INTS1: variants seen among roughly 807,000 people sequenced by gnomAD.
The protein encoded by INTS1 is integrator complex subunit 1.
A neutral mutation model predicts 241.6 loss-of-function variants in INTS1; 137 were observed. The ratio of observed to expected loss-of-function variants is 0.57; its 90% CI spans 0.49 to 0.65. INTS1 has a LOEUF of 0.65. Ranked by LOEUF, INTS1 falls within the 30% of genes least tolerant of loss-of-function variation. The pLI, the probability that INTS1 is intolerant of heterozygous loss-of-function variation, is 0.00. For synonymous variants in INTS1, 1,692 were observed against 1,337.8 expected, an observed-to-expected ratio of 1.26 and a Z score of -5.78; for missense variants, 3,073 against 3,032.2, an observed-to-expected ratio of 1.01 and a Z score of -0.32.
Position 1,474,270 on chromosome 7 carries a change from CAGGAA to C in INTS1, c.5722_5726del (p.Phe1908AlafsTer56), listed in dbSNP as rs747744061. On this transcript the variant is annotated frameshift_variant, in exon 41 of 48. Coordinates refer to ENST00000404767, the MANE Select transcript of INTS1 (RefSeq NM_001080453.3). LOFTEE classifies it high-confidence loss of function. ...GCAGCTCCAGCAGGCCCAGCACGTG[CAGGAA>C]GCAGCTCAGGTGGTTCTGCTGCCGG... 6.2e-7 allele frequency: 1 copy of C among 1,608,368 alleles called. No individual in the cohort carries two copies. Among genetic ancestry groups the C allele is most frequent in the Non-Finnish European group, 8.5e-7 (1 of 1,179,034 alleles).
In INTS1 at chr7:1,487,373, G is replaced by C; in HGVS notation, c.2593C>G (p.Leu865Val). The C allele has an allele frequency of 6.2e-7, 1 of 1,610,684 alleles. No homozygotes were observed. Among genetic ancestry groups the C allele is most frequent in the Non-Finnish European group, 8.5e-7 (1 of 1,178,808 alleles). ...SLNQSLRLGH[L>V]LCRSRNPDFL... ...TCAGGGTTTCGGCTGCGGCACAAGA[G>C]GTGCCCGAGGCGGAGGGACTGGTTG... is the stretch of plus-strand genomic sequence containing the variant. The change falls in exon 20 of 48, where the codon CTC becomes GTC. Residue 865 changes from leucine (L) to valine (V), a missense_variant. Leu to Val is a conservative substitution (Grantham distance 32, BLOSUM62 1). Coordinates refer to ENST00000404767, the MANE Select transcript of INTS1 (RefSeq NM_001080453.3).
At chr7:1,488,045 C>A in intron 18 of INTS1, 88 bp from the exon 19 acceptor site, 1 of 1,388,400 alleles carries the variant, frequency 7.2e-7, no homozygotes, top group Non-Finnish European at 1.0e-6. Context: ...GAGGGTAAAA[C>A]CCCTACGGCT....
At chr7:1,495,714 T>C (rs987193328) in intron 12 of INTS1, among the ~76,000 whole-genome samples, 161 bp from the exon 13 acceptor site, 4 of 152,036 alleles carry the variant, frequency 2.6e-5, no homozygotes, top group Non-Finnish European at 5.9e-5. Context: ...CTGGGAGGCA[T>C]GGAGTGACCC....
chr7:1,501,358 T>C (rs920284370), intron 3 of INTS1: 6 of 151,996 alleles, frequency 3.9e-5, no homozygotes, highest in Non-Finnish European at 5.9e-5. Flanking sequence ...GACAGAGGCA[T>C]TGTGATCTAC....
At chr7:1,494,304 A>C (rs1436745294) in intron 14 of INTS1, among the ~76,000 whole-genome samples, 1 of 152,226 alleles carries the variant, frequency 6.6e-6, no homozygotes, top group Non-Finnish European at 1.5e-5. Context: ...GCCGCAGTGA[A>C]GGTGAACAGA....
In INTS1 at chr7:1,497,521, G is replaced by A. The variant is rs555272449; in HGVS notation, c.1426-207C>T. 1.9e-4 allele frequency among the ~76,000 whole-genome samples: 29 copies of A among 152,166 alleles called. No homozygotes were observed. The highest frequency in any genetic ancestry group is 3.3e-4 in the Admixed American group (5 of 15,284). ...CATCTGATTCCCCTCTCTGAGAACCGGCAGGTGGGGAGTCGGTCCTCGTGA... is the reference window on the plus strand; with the variant it reads ...CATCTGATTCCCCTCTCTGAGAACCAGCAGGTGGGGAGTCGGTCCTCGTGA... On this transcript the variant is annotated intron_variant, in intron 10 of 47. Coordinates refer to ENST00000404767, the MANE Select transcript of INTS1 (RefSeq NM_001080453.3). This position sits in a 1 kb window ranked among gnomAD's most constrained non-coding sequence, Gnocchi z 5.3.
intron 4 of INTS1, 41 bp downstream of exon 4, chr7:1,500,129 C>G (rs1389772081): frequency 6.3e-7 from 1 of 1,580,654 alleles, no homozygotes; most frequent in Admixed American, 1.7e-5. Context: ...GAGCCAAGGG[C>G]CCCAGCGCTG....
chr7:1,500,126 G>C (rs751555037), intron 4 of INTS1, 44 bp downstream of exon 4: 32 of 1,580,706 alleles, frequency 2.0e-5, no homozygotes, highest in Non-Finnish European at 2.8e-5. Context: ...GGGGAGCCAA[G>C]GGCCCCAGCG....
rs758084477 is a variant in INTS1, at chr7:1,489,379, C to G, written c.2283G>C (p.Pro761=). 1.8e-6 allele frequency: 2 copies of G among 1,081,760 alleles called. No homozygotes were observed. The highest frequency in any genetic ancestry group is 1.1e-6 in the Non-Finnish European group (1 of 888,150). 67.0% of individuals were successfully genotyped at this position (1,081,760 alleles called of 1,614,324 possible). A position where few individuals can be genotyped will look rare whatever the true frequency, so the allele number is the denominator to read the frequency against. Residue 761 remains proline, a synonymous_variant, in exon 18 of 48, where the codon CCG becomes CCC. Transcript: ENST00000404767. ...CCATCTCCATGAGCATCTTCAGGGT[C>G]GGGTACTCCTCCCACGCAGCCAGGC... ...NIGLAAWEEY[P]TLKMLMEMVM...
intron 16 of INTS1, among the ~76,000 whole-genome samples, chr7:1,490,236 G>C (rs1782481313): frequency 6.6e-6 from 1 of 152,252 alleles, no homozygotes; most frequent in Admixed American, 6.5e-5. Context: ...CGAGGCTCAA[G>C]TGCAGTGCGG....
Position 1,471,234 on chromosome 7 carries a change from G to A in INTS1, c.6256-10C>T, listed in dbSNP as rs767202557. ...GCCGCTGCAGGTTGGTCTGACCGGG[G>A]GAAAGGTGGGAGGTGTGTGACCAAG... On this transcript the variant is annotated splice_polypyrimidine_tract_variant and intron_variant, in intron 45 of 47. Transcript: ENST00000404767. 6 of 1,567,838 alleles carry A rather than the reference G, an allele frequency of 3.8e-6. No homozygotes were observed. The South Asian group carries it at 7.0e-5, about 18-fold the overall frequency.
At position 1,492,035 on chromosome 7, in the gene INTS1, C is replaced by T. The variant is rs990944768; in HGVS notation, c.2165+975G>A. Among the ~76,000 whole-genome samples the T allele has an allele frequency of 3.3e-5, 5 of 152,126 alleles. No individual in the cohort carries two copies. In the East Asian group the frequency reaches 7.7e-4, roughly 23 times the overall value. ...ACTAGGAACCGTCACTCAGCGCTGG[C>T]GGGGACGCAAGCGGGAACTCAAGGT... On this transcript the variant is annotated intron_variant, in intron 16 of 47. Coordinates refer to ENST00000404767, the MANE Select transcript of INTS1 (RefSeq NM_001080453.3).
At chr7:1,472,970 G>C (rs112935261) in intron 43 of INTS1, 102 bp downstream of exon 43, 1 of 708,264 alleles carries the variant, frequency 1.4e-6, no homozygotes, top group Admixed American at 3.2e-5. Flanking sequence ...AGCCCCCATC[G>C]GGACGCCTCG....
At position 1,487,456 on chromosome 7, in the gene INTS1, G is replaced by A. The variant is rs1473744841; in HGVS notation, c.2517-7C>T. 6.2e-7 allele frequency: 1 copy of A among 1,609,962 alleles called. No homozygotes were observed. Among genetic ancestry groups the A allele is most frequent in the South Asian group, 1.1e-5 (1 of 90,630 alleles). On this transcript the variant is annotated splice_region_variant and splice_polypyrimidine_tract_variant and intron_variant, in intron 19 of 47. Coordinates refer to ENST00000404767, the MANE Select transcript of INTS1 (RefSeq NM_001080453.3). ...AGGCCTCCGGGGGGGCCCCCTGAGG[G>A]CCACAGGGGACACGGTGCGTCAGCA... is the stretch of plus-strand genomic sequence containing the variant.
rs1782848978 is a variant in INTS1 at position 1,496,268 on chromosome 7, C to G, written c.1603-4G>C. ...TGATGTGCACCACGAAGCGCTCCTG[C>G]AGGTGCAGCACGGGGTCTGTATCCA... On this transcript the variant is annotated splice_region_variant and splice_polypyrimidine_tract_variant and intron_variant, in intron 11 of 47. Transcript: ENST00000404767. The G allele has an allele frequency of 1.2e-6, 2 of 1,613,220 alleles. No individual in the cohort carries two copies. Among genetic ancestry groups the G allele is most frequent in the Admixed American group, 3.3e-5 (2 of 60,014 alleles).
At chr7:1,475,199 G>A (rs1195793539) in intron 39 of INTS1, among the ~76,000 whole-genome samples, 4 of 152,134 alleles carry the variant, frequency 2.6e-5, no homozygotes, top group East Asian at 3.9e-4. Flanking sequence ...CCTGGGCAAT[G>A]AAAATAGCCC....
chr7:1,500,346 C>G lies in INTS1; in HGVS notation c.370G>C (p.Asp124His). Residue 124 changes from aspartate (D) to histidine (H), a missense_variant, in exon 4 of 48, where the codon GAT becomes CAT. Asp to His is a moderately conservative substitution (Grantham distance 81). Coordinates refer to ENST00000404767, the MANE Select transcript of INTS1 (RefSeq NM_001080453.3). The stretch of plus-strand genomic sequence containing the variant: ...TCCAGCTCGGCCGCCTCGATCTCAT[C>G]CAGCAGCACCGTGGGCAGCACTGGC... ...PIEVLPTVLL[D>H]EIEAAELEGN... is the part of the protein sequence containing the mutation. The G allele has an allele frequency of 6.3e-7, 1 of 1,580,068 alleles. No homozygotes were observed. The highest frequency in any genetic ancestry group is 8.6e-7 in the Non-Finnish European group (1 of 1,161,190).
chr7:1,504,176 C>A (rs888951932), intron 1 of INTS1, 147 bp downstream of exon 1: 2 of 535,426 alleles, frequency 3.7e-6, no homozygotes, highest in Non-Finnish European at 6.5e-6. Flanking sequence ...CGCCCGGGAG[C>A]GGCTCAGTCG....
Position 1,486,662 on chromosome 7 carries a change from C to G in INTS1, c.2939G>C (p.Gly980Ala). Residue 980 changes from glycine (G) to alanine (A), a missense_variant, in exon 22 of 48, where the codon GGC (glycine) becomes GCC (alanine). Transcript: ENST00000404767. The stretch of plus-strand genomic sequence containing the variant: ...CACGCGGGAGGCCACCTGGGAGGAG[C>G]CGAGGCGCCGCAAGAAGTAGTCCAG... ...EVLDYFLRRLGSSQVASRVLA... is the reference protein window; with the variant it reads ...EVLDYFLRRLASSQVASRVLA... The G allele has an allele frequency of 6.2e-7, 1 of 1,611,970 alleles. No individual in the cohort carries two copies. Among genetic ancestry groups the G allele is most frequent in the Non-Finnish European group, 8.5e-7 (1 of 1,179,514 alleles).
Sources: gnomAD v4.1 joint callset for allele counts (sites outside exome capture counted in the v4.1 genomes callset) on GRCh38, gnomAD v4.1.1 for gene constraint, Gnocchi (gnomAD v3.1) non-coding constraint, MANE v1.5 for transcripts, NCBI Gene and HGNC (gene_info 2026-07-23, HGNC 2026-07-21) for gene names.